DGKQ: variants seen among roughly 807,000 people sequenced by gnomAD.
The protein encoded by DGKQ is diacylglycerol kinase theta, also known as DAG kinase theta.
In DGKQ, 97 loss-of-function variants were observed where a neutral mutation model predicts 104.2. The ratio of observed to expected loss-of-function variants is 0.93; its 90% CI spans 0.79 to 1.10. DGKQ has a LOEUF of 1.10. Ranked by LOEUF, DGKQ falls within the 50% of genes least tolerant of loss-of-function variation. The probability of loss-of-function intolerance (pLI) is 0.00; values close to 1 mark genes in which losing one functional copy is unlikely to be tolerated. For missense variants in DGKQ, 1,465 were observed against 1,352.1 expected, an observed-to-expected ratio of 1.08 and a Z score of -1.31; for synonymous variants, 736 against 595.2, an observed-to-expected ratio of 1.24 and a Z score of -3.44.
chr4:961,376 C>A lies in DGKQ; in HGVS notation c.2574+91G>T, dbSNP rs1213149515. 5 of 1,412,540 alleles carry A rather than the reference C, an allele frequency of 3.5e-6. No homozygotes were observed. The African/African-American group carries it at 7.3e-5, about 20-fold the overall frequency. The allele number at this position is 1,412,540 out of a possible 1,614,324, so 87.5% of individuals were successfully genotyped here. A position where few individuals can be genotyped will look rare whatever the true frequency, so the allele number is the denominator to read the frequency against. On this transcript the variant is annotated intron_variant, in intron 21 of 22. Coordinates refer to ENST00000273814, the MANE Select transcript of DGKQ (RefSeq NM_001347.4). ...GGGGACCGGGGACGCCCACCCTGGA[C>A]CTGGCCCTGGGGCGGGAGAGGCCAG...
At chr4:963,884 A>C (rs1712082030) in intron 15 of DGKQ, among the ~76,000 whole-genome samples, 1 of 152,110 alleles carries the variant, frequency 6.6e-6, no homozygotes, top group African/African-American at 2.4e-5. Context: ...CTACGACAGG[A>C]GGCTAGGGAC....
intron 2 of DGKQ, among the ~76,000 whole-genome samples, chr4:969,490 C>T (rs1712752672): frequency 6.6e-6 from 1 of 152,374 alleles, no homozygotes; most frequent in Non-Finnish European, 1.5e-5. Flanking sequence ...TCCTGACTCT[C>T]GCCCTTGTCC....
In DGKQ at chr4:960,472, T is replaced by C; in HGVS notation, c.*148A>G. 1.5e-6 allele frequency: 1 copy of C among 689,270 alleles called. No homozygotes were observed. Among genetic ancestry groups the C allele is most frequent in the East Asian group, 2.6e-5 (1 of 37,854 alleles). 42.7% of individuals were successfully genotyped at this position (689,270 alleles called of 1,614,324 possible). A position where few individuals can be genotyped will look rare whatever the true frequency, so the allele number is the denominator to read the frequency against. On this transcript the variant is annotated 3_prime_UTR_variant, in exon 23 of 23. Coordinates refer to ENST00000273814, the MANE Select transcript of DGKQ (RefSeq NM_001347.4). ...TGGGATGAGGGCGGGTCCCGCTCCG[T>C]CACTGGGAAGATGCTGTGGTCAGGG...
intron 10 of DGKQ, 45 bp from the exon 11 acceptor site, chr4:966,847 A>G: frequency 1.3e-6 from 2 of 1,583,470 alleles, no homozygotes; most frequent in Non-Finnish European, 8.6e-7. Context: ...GGCCCCCACC[A>G]CCTCAGGACA....
At chr4:961,290 G>A in intron 21 of DGKQ, 89 bp from the exon 22 acceptor site, 3 of 1,276,814 alleles carry the variant, frequency 2.3e-6, no homozygotes, top group Non-Finnish European at 3.1e-6. Flanking sequence ...CAGCCGAGCA[G>A]GGACCAGGGA....
At position 967,347 on chromosome 4, in the gene DGKQ, C is replaced by T. The variant is rs779878225; in HGVS notation, c.1002G>A (p.Arg334=). The part of the protein sequence containing the change: ...GAEEVLEAAL[R]AHHIPEDPGH... Reference sequence around the variant, plus strand: ...CAGGGTCCTCGGGGATGTGGTGGGCCCGCAGTGCGGCCTCCTGCAGGGCAC... The same window carrying T: ...CAGGGTCCTCGGGGATGTGGTGGGCTCGCAGTGCGGCCTCCTGCAGGGCAC... Residue 334 remains arginine (R), a synonymous_variant, in exon 9 of 23, where the codon CGG becomes CGA. Transcript: ENST00000273814. 2.6e-6 allele frequency: 4 copies of T among 1,535,620 alleles called. No individual in the cohort carries two copies. In the East Asian group the frequency reaches 9.8e-5, roughly 38 times the overall value.
chr4:970,251 G>A (rs191450449), intron 2 of DGKQ, among the ~76,000 whole-genome samples: 10 of 152,382 alleles, frequency 6.6e-5, no homozygotes, highest in Admixed American at 6.5e-5. Context: ...GGCCTGCCTC[G>A]CGGCCTGCGC....
chr4:969,298 C>T (rs1712735124), intron 2 of DGKQ, among the ~76,000 whole-genome samples: 1 of 152,232 alleles, frequency 6.6e-6, no homozygotes, highest in African/African-American at 2.4e-5. Context: ...CTCCTTGGGG[C>T]AGGCGAGGCT....
At position 973,165 on chromosome 4, in the gene DGKQ, G is replaced by A. The variant is rs533103974; in HGVS notation, c.271+47C>T. On this transcript the variant is annotated intron_variant, in intron 1 of 22. Transcript: ENST00000273814. ...CTCCGCTCAGGCTCCCGCCCACGGG[G>A]CAGAGGCAGGGCTGCAGCCGGGTAG... 177 of 1,479,110 alleles carry A rather than the reference G, an allele frequency of 1.2e-4. No individual in the cohort carries two copies. In the African/African-American group the frequency reaches 2.1e-3, roughly 17 times the overall value. 91.6% of individuals were successfully genotyped at this position (1,479,110 alleles called of 1,614,324 possible). A position where few individuals can be genotyped will look rare whatever the true frequency, so the allele number is the denominator to read the frequency against.
chr4:960,910 C>T, intron 22 of DGKQ, 139 bp downstream of exon 22: 4 of 1,495,628 alleles, frequency 2.7e-6, no homozygotes, highest in Non-Finnish European at 8.9e-7. Flanking sequence ...CAGCCCTCCT[C>T]TGAAGCAGGC....
At chr4:964,532 G>C (rs1280189540) in intron 15 of DGKQ, among the ~76,000 whole-genome samples, 3 of 124,604 alleles carry the variant, frequency 2.4e-5, no homozygotes, top group Non-Finnish European at 1.8e-5. Context: ...CCAGACCCCC[G>C]TTCCCCCCGG....
intron 11 of DGKQ, 68 bp from the exon 12 acceptor site, chr4:966,595 G>C: frequency 6.5e-7 from 1 of 1,545,672 alleles, no homozygotes; most frequent in Non-Finnish European, 8.8e-7. Flanking sequence ...GCTGCCCGGA[G>C]CCCCCAGGGC....
intron 2 of DGKQ, among the ~76,000 whole-genome samples, chr4:970,324 G>A (rs1224766466): frequency 3.3e-5 from 5 of 152,234 alleles, no homozygotes; most frequent in African/African-American, 1.2e-4. Flanking sequence ...TGAAGACGGC[G>A]ACGCTGACAG....
At position 968,922 on chromosome 4, in the gene DGKQ, GC is replaced by G. The variant is rs765272977; in HGVS notation, c.352-13del. On this transcript the variant is annotated splice_polypyrimidine_tract_variant and intron_variant, in intron 2 of 22. Transcript: ENST00000273814. The stretch of plus-strand genomic sequence containing the variant: ...TGGGCTACAGGAACCTGGTGGGGCA[GC>G]CTCACCTCAGCACCCTTGGTAAGGG... The G allele has an allele frequency of 6.4e-7, 1 of 1,566,772 alleles. No individual in the cohort carries two copies. Among genetic ancestry groups the G allele is most frequent in the South Asian group, 1.2e-5 (1 of 86,420 alleles).
rs1173700120 is a variant in DGKQ, at chr4:963,242, G to A, written c.1783C>T (p.Pro595Ser). 2 of 1,611,106 alleles carry A rather than the reference G, an allele frequency of 1.2e-6. No individual in the cohort carries two copies. The highest frequency in any genetic ancestry group is 1.3e-5 in the African/African-American group (1 of 74,936). ...DSCPLLVFVN[P>S]KSGGLKGRDL... ...CGGCCCTTGAGGCCTCCACTCTTGGGGTTCACGAACACAAGGAGGGGACAG... is the reference window on the plus strand; with the variant it reads ...CGGCCCTTGAGGCCTCCACTCTTGGAGTTCACGAACACAAGGAGGGGACAG... The change falls in exon 16 of 23, where the codon CCC (proline) becomes TCC (serine). Residue 595 changes from proline (P) to serine (S), a missense_variant. By Grantham distance (74) the Pro-to-Ser change is moderately conservative (BLOSUM62 -1). Coordinates refer to ENST00000273814, the MANE Select transcript of DGKQ (RefSeq NM_001347.4).
At chr4:966,724 G>A (rs376176622) in intron 11 of DGKQ, 24 bp downstream of exon 11, 80 of 1,599,350 alleles carry the variant, frequency 5.0e-5, no homozygotes, top group Middle Eastern at 1.7e-4. Context: ...GGACCGCCAC[G>A]CCCAGCACGG....
intron 11 of DGKQ, 75 bp from the exon 12 acceptor site, chr4:966,602 G>C: frequency 6.5e-7 from 1 of 1,534,294 alleles, no homozygotes; most frequent in Non-Finnish European, 8.9e-7. Flanking sequence ...GGAGCCCCCA[G>C]GGCCCGTGGG....
At position 968,324 on chromosome 4, in the gene DGKQ, A is replaced by T; in HGVS notation, c.621T>A (p.Ser207=). 2 of 1,470,100 alleles carry T rather than the reference A, an allele frequency of 1.4e-6. No homozygotes were observed. The highest frequency in any genetic ancestry group is 2.4e-5 in the South Asian group (2 of 81,702). 91.1% of individuals were successfully genotyped at this position (1,470,100 alleles called of 1,614,324 possible). Residue 207 remains serine, a synonymous_variant, in exon 5 of 23, where the codon TCT becomes TCA. Coordinates refer to ENST00000273814, the MANE Select transcript of DGKQ (RefSeq NM_001347.4). ...CGCAGCGCACGCCGGCCAGCACGTC[A>T]GAGGAGCCGCACGTCTTCCTGCAGA... ...CEVCRKTCGS[S]DVLAGVRCEW...
Position 960,577 on chromosome 4 carries a change from G to A in DGKQ, c.*43C>T, listed in dbSNP as rs762517736. On this transcript the variant is annotated 3_prime_UTR_variant, in exon 23 of 23. Transcript: ENST00000273814. ...CAGACCACCTGAAAACAAGGCTGGC[G>A]GGAGCAGAGATGGCTCGAGCCCTTG... The A allele has an allele frequency of 5.1e-6, 8 of 1,560,648 alleles. No homozygotes were observed. Among genetic ancestry groups the A allele is most frequent in the Middle Eastern group, 3.4e-4 (2 of 5,954 alleles).
Sources: allele counts gnomAD v4.1 joint callset (sites outside exome capture counted in the v4.1 genomes callset), GRCh38; gene constraint gnomAD v4.1.1; transcripts MANE v1.5; gene names NCBI Gene and HGNC (gene_info 2026-07-23, HGNC 2026-07-21).